Variants in ASIC2 observed in about 807,000 individuals in gnomAD.
ASIC2 encodes the protein acid-sensing ion channel 2.
Under a neutral mutation model 57.3 loss-of-function variants are expected in ASIC2, and 25 were observed. That is an observed-to-expected ratio of 0.44 (90% CI 0.32 to 0.61). The LOEUF is 0.61. ASIC2 is among the 20% of genes least tolerant of loss of function. ASIC2 has a pLI of 0.06. For missense variants in ASIC2, 641 were observed against 738.1 expected, an observed-to-expected ratio of 0.87 and a Z score of 1.52; for synonymous variants, 319 against 307.5, an observed-to-expected ratio of 1.04 and a Z score of -0.39.
At chr17:33,309,932 A>G (rs1363098762) in intron 1 of ASIC2, among the ~76,000 whole-genome samples, 1 of 144,950 alleles carries the variant, frequency 6.9e-6, no homozygotes, top group Non-Finnish European at 1.5e-5. Context: ...CTAGAATGCC[A>G]TGACTCCTCC....
chr17:33,221,201 T>A (rs1206786532), intron 1 of ASIC2, among the ~76,000 whole-genome samples: 2 of 152,180 alleles, frequency 1.3e-5, no homozygotes, highest in African/African-American at 4.8e-5. Context: ...AAATGAGATC[T>A]GGGCCAAGTC....
At chr17:33,015,926 A>C (rs770163274) in intron 9 of ASIC2, 45 bp downstream of exon 9, 5 of 1,607,358 alleles carry the variant, frequency 3.1e-6, no homozygotes, top group Non-Finnish European at 4.3e-6. Flanking sequence ...CTGCCGGTAC[A>C]AGCCAGAGCA....
intron 2 of ASIC2, among the ~76,000 whole-genome samples, chr17:33,106,950 G>A (rs2092237396): frequency 6.6e-6 from 1 of 152,162 alleles, no homozygotes; most frequent in East Asian, 1.9e-4. Flanking sequence ...GAGGATTTAG[G>A]AGCCTTGGGT....
At chr17:33,614,071 C>T (rs541957648) in intron 1 of ASIC2, among the ~76,000 whole-genome samples, 2 of 152,288 alleles carry the variant, frequency 1.3e-5, no homozygotes, top group South Asian at 4.1e-4. Flanking sequence ...TTTCTACCAA[C>T]AGTACAGGTG....
chr17:33,434,668 G>A (rs1911543780), intron 1 of ASIC2, among the ~76,000 whole-genome samples: 1 of 152,164 alleles, frequency 6.6e-6, no homozygotes, highest in Non-Finnish European at 1.5e-5. Flanking sequence ...TCAAGACAAT[G>A]AGCACTTCTT....
At chr17:33,114,256 A>G (rs1406490220) in intron 1 of ASIC2, among the ~76,000 whole-genome samples, 1 of 152,228 alleles carries the variant, frequency 6.6e-6, no homozygotes, top group Non-Finnish European at 1.5e-5. Flanking sequence ...AAGTTTTTTC[A>G]TAACTATTGC....
chr17:34,004,151 T>C (rs1489238844), intron 1 of ASIC2: 6 of 151,910 alleles, frequency 3.9e-5, no homozygotes, highest in Admixed American at 3.9e-4. Context: ...GATGACCAGT[T>C]GATAAAAGGA....
chr17:33,104,975 C>T (rs928303260), intron 2 of ASIC2, among the ~76,000 whole-genome samples: 3 of 152,148 alleles, frequency 2.0e-5, no homozygotes, highest in Admixed American at 6.5e-5. Context: ...CTCACTAATG[C>T]AGGCTTCTCC....
At chr17:33,127,013 G>A (rs1053822656) in intron 1 of ASIC2, among the ~76,000 whole-genome samples, 9 of 150,420 alleles carry the variant, frequency 6.0e-5, no homozygotes, top group East Asian at 3.9e-4. Flanking sequence ...GACTACAGGC[G>A]CCCGCCACCG....
At chr17:34,088,938 T>C (rs1910219514) in intron 1 of ASIC2, among the ~76,000 whole-genome samples, 1 of 152,206 alleles carries the variant, frequency 6.6e-6, no homozygotes, top group South Asian at 2.1e-4. Flanking sequence ...GTGCCGTCTG[T>C]CACCCCTTTC....
At chr17:33,557,623 TA>T (rs1445351716) in intron 1 of ASIC2, among the ~76,000 whole-genome samples, 1 of 152,152 alleles carries the variant, frequency 6.6e-6, no homozygotes, top group Non-Finnish European at 1.5e-5. Context: ...TTCTTGAGAT[TA>T]AAAACTAAAA....
intron 1 of ASIC2, among the ~76,000 whole-genome samples, chr17:33,415,602 A>G (rs948951550): frequency 6.6e-6 from 1 of 152,124 alleles, no homozygotes; most frequent in African/African-American, 2.4e-5. Context: ...TCAAGCCTGC[A>G]GCAGCCAGTC....
At chr17:34,129,944 T>C (rs1911901717) in intron 1 of ASIC2, among the ~76,000 whole-genome samples, 1 of 152,168 alleles carries the variant, frequency 6.6e-6, no homozygotes, top group South Asian at 2.1e-4. Context: ...GGGATGCACC[T>C]GAACCAGCAA....
At chr17:33,570,243 C>G (rs1916389000) in intron 1 of ASIC2, among the ~76,000 whole-genome samples, 2 of 152,174 alleles carry the variant, frequency 1.3e-5, no homozygotes, top group Admixed American at 1.3e-4. Context: ...AGAATCCTGC[C>G]TTTCTTCAGT....
At chr17:33,877,536 G>C (rs1376686686) in intron 1 of ASIC2, among the ~76,000 whole-genome samples, 1 of 152,190 alleles carries the variant, frequency 6.6e-6, no homozygotes, top group Non-Finnish European at 1.5e-5. Flanking sequence ...ACAGCAGTCT[G>C]AGATCAAACT....
At chr17:33,076,918 A>C (rs142801665) in intron 3 of ASIC2, among the ~76,000 whole-genome samples, 2 of 152,296 alleles carry the variant, frequency 1.3e-5, no homozygotes, top group Admixed American at 1.3e-4. Flanking sequence ...GGTGTACATG[A>C]GTATGTATTT....
intron 1 of ASIC2, among the ~76,000 whole-genome samples, chr17:33,447,164 G>A (rs569911451): frequency 6.6e-6 from 1 of 152,286 alleles, no homozygotes; most frequent in East Asian, 1.9e-4. Flanking sequence ...ATGAGTGCCC[G>A]GGATCCGGGA....
At chr17:33,488,856 C>A (rs1335044669) in intron 1 of ASIC2, among the ~76,000 whole-genome samples, 1 of 152,120 alleles carries the variant, frequency 6.6e-6, no homozygotes, top group Admixed American at 6.6e-5. Context: ...ACGCTCCATC[C>A]CCATGATGGT....
intron 1 of ASIC2, among the ~76,000 whole-genome samples, chr17:33,204,501 G>A (rs1906989177): frequency 6.6e-6 from 1 of 152,158 alleles, no homozygotes; most frequent in African/African-American, 2.4e-5. Flanking sequence ...CTGGTAACTA[G>A]TCCCCAGTTT....
Sources: gnomAD v4.1 joint callset for allele counts (sites outside exome capture counted in the v4.1 genomes callset) on GRCh38, gnomAD v4.1.1 for gene constraint, MANE v1.5 for transcripts, NCBI Gene and HGNC (gene_info 2026-07-23, HGNC 2026-07-21) for gene names.